Variants in ME2 observed in about 807,000 individuals in gnomAD.
The protein encoded by ME2 is NAD-dependent malic enzyme, mitochondrial.
In ME2, 60 loss-of-function variants were observed where a neutral mutation model predicts 73.7. The ratio of observed to expected loss-of-function variants is 0.81; its 90% CI spans 0.66 to 1.01. The LOEUF is 1.01. Among genes scored for constraint, ME2 ranks in the 50% least tolerant of loss-of-function variants. ME2 has a pLI of 0.00. For synonymous variants in ME2, 199 were observed against 236.9 expected, an observed-to-expected ratio of 0.84 and a Z score of 1.47; for missense variants, 594 against 705.5, an observed-to-expected ratio of 0.84 and a Z score of 1.79.
chr18:50,940,143 G>A (rs1271890542), intron 14 of ME2, 145 bp from the exon 15 acceptor site: 3 of 642,898 alleles, frequency 4.7e-6, no homozygotes, highest in African/African-American at 3.7e-5. Flanking sequence ...TTTAATTTCT[G>A]CAGTGGTTTA....
intron 2 of ME2, among the ~76,000 whole-genome samples, chr18:50,901,087 CT>C (rs1916878100): frequency 6.6e-6 from 1 of 152,190 alleles, no homozygotes; most frequent in African/African-American, 2.4e-5. Context: ...ATGAACAGAG[CT>C]TGCCACTTAG....
chr18:50,892,534 T>C (rs1392199999), intron 1 of ME2, among the ~76,000 whole-genome samples: 1 of 152,258 alleles, frequency 6.6e-6, no homozygotes, highest in Non-Finnish European at 1.5e-5. Context: ...TCTTTATGTC[T>C]GTTAGTTTCT....
chr18:50,893,514 C>A (rs1470972978), intron 1 of ME2, among the ~76,000 whole-genome samples: 2 of 152,170 alleles, frequency 1.3e-5, no homozygotes, highest in African/African-American at 4.8e-5. Context: ...GATGCCTCCC[C>A]AGTAGTTAGC....
At chr18:50,913,866 C>T (rs924838917) in intron 4 of ME2, among the ~76,000 whole-genome samples, 6 of 151,492 alleles carry the variant, frequency 4.0e-5, no homozygotes, top group Non-Finnish European at 5.9e-5. Context: ...ATTATACACA[C>T]ACACACACAC....
chr18:50,881,979 A>G (rs1041504401), intron 1 of ME2, among the ~76,000 whole-genome samples: 16 of 152,248 alleles, frequency 1.1e-4, no homozygotes, highest in Middle Eastern at 3.4e-3. Flanking sequence ...GAGCTAGCAA[A>G]TGGCAAAGCC....
In ME2 at chr18:50,948,098, A is replaced by G. The variant is rs532381861; in HGVS notation, c.*914A>G. ...ACTGGAGAAACTATGCCCTTATTCC[A>G]GAACTGATGCTCTTTATTGCTTGAG... On this transcript the variant is annotated 3_prime_UTR_variant, in exon 16 of 16. Transcript: ENST00000321341. The G allele has an allele frequency of 1.3e-5, 2 of 152,340 alleles. No homozygotes were observed. Among genetic ancestry groups the G allele is most frequent in the South Asian group, 2.1e-4 (1 of 4,828 alleles). The allele number at this position is 152,340 out of a possible 1,614,324, so 9.4% of individuals were successfully genotyped here.
At chr18:50,893,306 C>T (rs915082838) in intron 1 of ME2, among the ~76,000 whole-genome samples, 3 of 151,906 alleles carry the variant, frequency 2.0e-5, no homozygotes, top group African/African-American at 7.3e-5. Flanking sequence ...TAAAAAGAAA[C>T]CTGAACACTT....
chr18:50,884,116 T>A (rs558053631), intron 1 of ME2, among the ~76,000 whole-genome samples: 1 of 152,294 alleles, frequency 6.6e-6, no homozygotes, highest in East Asian at 1.9e-4. Flanking sequence ...GATTGTTTTT[T>A]TCCTTAAGTT....
chr18:50,921,701 C>A lies in ME2; in HGVS notation c.1056+514C>A, dbSNP rs143397801. Among the ~76,000 whole-genome samples the A allele has an allele frequency of 1.4e-4, 22 of 152,184 alleles. No individual in the cohort carries two copies. In the South Asian group the frequency reaches 4.6e-3, roughly 32 times the overall value. ...AAGCAATTCTCCTGCCTGAGCCTCCCGAGGCTACCGTGCCTGGCCGTGAGC... is the reference window on the plus strand; with the variant it reads ...AAGCAATTCTCCTGCCTGAGCCTCCAGAGGCTACCGTGCCTGGCCGTGAGC... On this transcript the variant is annotated intron_variant, in intron 10 of 15. Transcript: ENST00000321341.
At chr18:50,906,607 C>T (rs1414550939) in intron 2 of ME2, among the ~76,000 whole-genome samples, 1 of 152,216 alleles carries the variant, frequency 6.6e-6, no homozygotes, top group African/African-American at 2.4e-5. Flanking sequence ...GCCACCGTGC[C>T]TGGCCTCCAA....
chr18:50,911,153 C>T (rs1917146982), intron 3 of ME2, among the ~76,000 whole-genome samples: 1 of 152,190 alleles, frequency 6.6e-6, no homozygotes, highest in African/African-American at 2.4e-5. Flanking sequence ...GAGCTTCCCT[C>T]TATCACATGC....
intron 1 of ME2, among the ~76,000 whole-genome samples, chr18:50,881,628 A>G (rs1041058052): frequency 2.0e-5 from 3 of 152,170 alleles, no homozygotes; most frequent in Non-Finnish European, 2.9e-5. Context: ...CCAGATTCTC[A>G]TTCTTGACTT....
At chr18:50,908,261 G>C in intron 3 of ME2, 65 bp downstream of exon 3, 1 of 1,151,026 alleles carries the variant, frequency 8.7e-7, no homozygotes, top group Non-Finnish European at 1.2e-6. Flanking sequence ...TGAGCATTAT[G>C]GTTATTATGG....
Position 50,925,888 on chromosome 18 carries a change from C to T in ME2, c.1304C>T (p.Thr435Ile), listed in dbSNP as rs773134940. 3.1e-6 allele frequency: 5 copies of T among 1,605,618 alleles called. No individual in the cohort carries two copies. In the South Asian group the frequency reaches 4.4e-5, roughly 14 times the overall value. ...QAECTAEEAY[T>I]LTEGRCLFAS... ...GAGTGCACGGCTGAAGAAGCATATA[C>T]ACTTACAGAGGTATTAATAATCACA... is the stretch of plus-strand genomic sequence containing the variant. The change falls in exon 12 of 16, where the codon ACA becomes ATA. Residue 435 changes from threonine to isoleucine, a missense_variant. Thr to Ile is a moderately conservative substitution (Grantham distance 89, BLOSUM62 -1). Coordinates refer to ENST00000321341, the MANE Select transcript of ME2 (RefSeq NM_002396.5).
At chr18:50,931,643 T>C (rs1917692274) in intron 12 of ME2, among the ~76,000 whole-genome samples, 1 of 152,132 alleles carries the variant, frequency 6.6e-6, no homozygotes, top group Admixed American at 6.6e-5. Context: ...TGGTATTTAT[T>C]GGCCGTCTAC....
chr18:50,898,606 A>C (rs981110107), intron 2 of ME2, among the ~76,000 whole-genome samples: 1 of 151,680 alleles, frequency 6.6e-6, no homozygotes, highest in African/African-American at 2.4e-5. Context: ...TACTTTTTGT[A>C]TTTTTTTGTA....
In ME2 at chr18:50,904,563, G is replaced by A. The variant is rs1475113437; in HGVS notation, c.109-3500G>A. Among the ~76,000 whole-genome samples the A allele has an allele frequency of 4.6e-5, 7 of 151,976 alleles. No individual in the cohort carries two copies. In the South Asian group the frequency reaches 8.3e-4, roughly 18 times the overall value. ...CTCCCACAGTGTTGGGATTACAGGC[G>A]TGAGCCACCACGCCCAGCCTAATTT... On this transcript the variant is annotated intron_variant, in intron 2 of 15. Transcript: ENST00000321341.
At chr18:50,881,406 A>G (rs561929243) in intron 1 of ME2, among the ~76,000 whole-genome samples, 1 of 152,326 alleles carries the variant, frequency 6.6e-6, no homozygotes, top group Non-Finnish European at 1.5e-5. Flanking sequence ...TTACAGGACA[A>G]AATTCACACT....
In ME2 at chr18:50,895,858, C is replaced by T; in HGVS notation, c.38C>T (p.Thr13Ile). Residue 13 changes from threonine (T) to isoleucine (I), a missense_variant, in exon 2 of 16, where the codon ACT becomes ATT. Thr to Ile is a moderately conservative substitution (Grantham distance 89). Coordinates refer to ENST00000321341, the MANE Select transcript of ME2 (RefSeq NM_002396.5). ...TTAAGAGTAGTTTCCACCACTTGTA[C>T]TTTGGCATGTCGACATTTGCACATA... ...SRLRVVSTTC[T>I]LACRHLHIKE... The T allele has an allele frequency of 3.1e-6, 5 of 1,613,544 alleles. No individual in the cohort carries two copies. The highest frequency in any genetic ancestry group is 4.2e-6 in the Non-Finnish European group (5 of 1,179,928).
Sources: allele counts gnomAD v4.1 joint callset (sites outside exome capture counted in the v4.1 genomes callset), GRCh38; gene constraint gnomAD v4.1.1; transcripts MANE v1.5; gene names NCBI Gene and HGNC (gene_info 2026-07-23, HGNC 2026-07-21).